The following IL1RAPL1 variants were observed in gnomAD, a reference collection of about 807,000 sequenced individuals.
IL1RAPL1 encodes interleukin-1 receptor accessory protein-like 1.
A neutral mutation model predicts 48.4 loss-of-function variants in IL1RAPL1; 3 were observed. The ratio of observed to expected loss-of-function variants is 0.06; its 90% CI spans 0.03 to 0.16. The LOEUF is 0.16. Among genes scored for constraint, IL1RAPL1 ranks in the 10% least tolerant of loss-of-function variants. IL1RAPL1 has a pLI of 1.00. For synonymous variants in IL1RAPL1, 185 were observed against 187.7 expected (o/e 0.99, Z 0.12); for missense variants, 349 against 530.6 (o/e 0.66, Z 3.36).
At chrX:28,628,871 T>C (rs1934370060) in intron 1 of IL1RAPL1, among the ~76,000 whole-genome samples, 1 of 112,265 alleles carries the variant, frequency 8.9e-6, no homozygotes, top group African/African-American at 3.2e-5. Context: ...TGTGATTAAG[T>C]TGCAGTTTAG....
At chrX:29,187,979 A>G (rs1930283930) in intron 2 of IL1RAPL1, among the ~76,000 whole-genome samples, 1 of 112,025 alleles carries the variant, frequency 8.9e-6, no homozygotes, top group African/African-American at 3.2e-5. Flanking sequence ...TCTACCAATT[A>G]GTGCCAAATC....
intron 5 of IL1RAPL1, among the ~76,000 whole-genome samples, chrX:29,645,398 C>T (rs188330405): frequency 9.0e-6 from 1 of 111,486 alleles, no homozygotes; most frequent in African/African-American, 3.3e-5. Flanking sequence ...ACCTCTGTCA[C>T]CCCTCCACAA....
At chrX:28,971,584 A>G (rs1925072173) in intron 2 of IL1RAPL1, among the ~76,000 whole-genome samples, 1 of 112,157 alleles carries the variant, frequency 8.9e-6, no homozygotes, top group Admixed American at 9.5e-5. Flanking sequence ...TGGGTAGAGT[A>G]CCAAATTATT....
rs768617340 is a variant in IL1RAPL1, at chrX:29,549,323, A to G, written c.704-119107A>G. ...AGCTGTACATGCTACCCACTCTTTC[A>G]TCATTTAGTAGCCTTCATGGTATCA... On this transcript the variant is annotated intron_variant, in intron 5 of 10. Transcript: ENST00000378993. 4.9e-4 allele frequency among the ~76,000 whole-genome samples: 55 copies of G among 111,549 alleles called. 1 individual carries two copies. The Admixed American group carries it at 5.1e-3, about 10-fold the overall frequency.
chrX:28,643,884 T>G (rs1409911240), intron 1 of IL1RAPL1, among the ~76,000 whole-genome samples: 2 of 111,915 alleles, frequency 1.8e-5, no homozygotes, highest in African/African-American at 3.2e-5. Flanking sequence ...CTCTCCTTTG[T>G]TGTGCCAAAT....
At chrX:29,627,311 T>TTTTTGG (rs888236149) in intron 5 of IL1RAPL1, among the ~76,000 whole-genome samples, 5 of 111,462 alleles carry the variant, frequency 4.5e-5, no homozygotes, top group African/African-American at 6.5e-5. Flanking sequence ...ATCGGAAGGG[T>TTTTTGG]TTTTGGTTTT....
chrX:29,954,060 A>C (rs2147258245), intron 9 of IL1RAPL1, among the ~76,000 whole-genome samples: 1 of 108,915 alleles, frequency 9.2e-6, no homozygotes, highest in African/African-American at 3.3e-5. Flanking sequence ...ACATGGTGAA[A>C]CCCCATCTCT....
chrX:29,385,140 A>C (rs1024203766), intron 3 of IL1RAPL1, among the ~76,000 whole-genome samples: 3 of 111,828 alleles, frequency 2.7e-5, no homozygotes, highest in African/African-American at 9.8e-5. Flanking sequence ...CTATTTCCGA[A>C]ATTTTCCATC....
chrX:29,141,907 G>C (rs773206551), intron 2 of IL1RAPL1, among the ~76,000 whole-genome samples: 5 of 111,583 alleles, frequency 4.5e-5, no homozygotes, highest in Non-Finnish European at 9.4e-5. Context: ...CAAAACCATT[G>C]GGTGATATGC....
At chrX:28,763,734 A>G (rs1936202580) in intron 1 of IL1RAPL1, among the ~76,000 whole-genome samples, 1 of 110,831 alleles carries the variant, frequency 9.0e-6, no homozygotes, top group South Asian at 3.9e-4. Context: ...TTGTAGAGTG[A>G]GATTGTGCCT....
intron 1 of IL1RAPL1, among the ~76,000 whole-genome samples, chrX:28,693,473 T>G (rs1196372303): frequency 2.7e-5 from 3 of 112,246 alleles, no homozygotes; most frequent in Non-Finnish European, 5.6e-5. Flanking sequence ...CCATCCAAAT[T>G]GCCAGGGTTA....
intron 6 of IL1RAPL1, among the ~76,000 whole-genome samples, chrX:29,727,908 T>C (rs1422425985): frequency 9.1e-6 from 1 of 110,283 alleles, no homozygotes; most frequent in Non-Finnish European, 1.9e-5. Flanking sequence ...AAAAAATGAG[T>C]CCACTATTCT....
chrX:29,396,389 G>A lies in IL1RAPL1; in HGVS notation c.494G>A (p.Arg165His), dbSNP rs750140366. 6.6e-6 allele frequency: 8 copies of A among 1,209,748 alleles called. No homozygotes were observed. In the African/African-American group the frequency reaches 7.0e-5, roughly 11 times the overall value. ...ELSKSKEISC[R>H]DIEDFLLPTR... Reference sequence around the variant, plus strand: ...AGCAAAAGCAAGGAAATTTCATGCCGTGACATAGAGGATTTTCTACTGCCA... The same window carrying A: ...AGCAAAAGCAAGGAAATTTCATGCCATGACATAGAGGATTTTCTACTGCCA... The change falls in exon 4 of 11, where the codon CGT becomes CAT. Residue 165 changes from arginine (R) to histidine (H), a missense_variant. By Grantham distance (29) the Arg-to-His change is conservative (BLOSUM62 0). Transcript: ENST00000378993.
At position 29,272,661 on chromosome X, in the gene IL1RAPL1, C is replaced by T. The variant is rs775289419; in HGVS notation, c.83-10277C>T. On this transcript the variant is annotated intron_variant, in intron 2 of 10. Transcript: ENST00000378993. ...ATGGTCGTTTTGTACAGTATTGTTG[C>T]AGAGGTTCTCTGCATTTCCTGAGCT... Among the ~76,000 whole-genome samples the T allele has an allele frequency of 2.7e-5, 3 of 111,181 alleles. No individual in the cohort carries two copies. In the South Asian group the frequency reaches 1.1e-3, roughly 43 times the overall value.
chrX:29,918,500 T>C (rs765319396), intron 7 of IL1RAPL1, among the ~76,000 whole-genome samples: 1 of 93,132 alleles, frequency 1.1e-5, no homozygotes, highest in South Asian at 5.4e-4. Context: ...AGCGAAACTC[T>C]GTCTCAAAAA....
intron 5 of IL1RAPL1, among the ~76,000 whole-genome samples, chrX:29,657,534 T>C (rs1161055488): frequency 8.9e-6 from 1 of 112,197 alleles, no homozygotes; most frequent in Non-Finnish European, 1.9e-5. Flanking sequence ...ACTTTAGAAA[T>C]ATAATGTCTT....
chrX:28,823,361 C>T (rs779268934), intron 2 of IL1RAPL1, among the ~76,000 whole-genome samples: 1 of 111,262 alleles, frequency 9.0e-6, no homozygotes, highest in East Asian at 2.9e-4. Flanking sequence ...TCCTTGATTG[C>T]CCTCTCATTC....
At chrX:28,734,549 A>ATT (rs71889875) in intron 1 of IL1RAPL1, among the ~76,000 whole-genome samples, 4 of 98,342 alleles carry the variant, frequency 4.1e-5, no homozygotes, top group South Asian at 1.0e-3. Context: ...CCAAAGTGTC[A>ATT]TTTTTTTTTT....
At chrX:29,021,564 T>C (rs1328894605) in intron 2 of IL1RAPL1, among the ~76,000 whole-genome samples, 1 of 112,197 alleles carries the variant, frequency 8.9e-6, no homozygotes, top group Non-Finnish European at 1.9e-5. Context: ...AACGTTTTAT[T>C]GTTCCCTGTT....
Sources: gnomAD v4.1 joint callset for allele counts (sites outside exome capture counted in the v4.1 genomes callset) on GRCh38, gnomAD v4.1.1 for gene constraint, MANE v1.5 for transcripts, NCBI Gene and HGNC (gene_info 2026-07-23, HGNC 2026-07-21) for gene names.